Variants in CCDC178 observed in about 807,000 individuals in gnomAD.
CCDC178 encodes the protein coiled-coil domain containing 178.
In CCDC178, 126 loss-of-function variants were observed where a neutral mutation model predicts 117.4. The ratio of observed to expected loss-of-function variants is 1.07; its 90% CI spans 0.93 to 1.24. CCDC178 has a LOEUF of 1.24. CCDC178 is among the 50% of genes most tolerant of loss of function. The probability of loss-of-function intolerance (pLI) is 0.00; values close to 1 mark genes in which losing one functional copy is unlikely to be tolerated. For missense variants in CCDC178, 1,030 were observed against 986.9 expected (o/e 1.04, Z -0.59); for synonymous variants, 283 against 313.4 (o/e 0.90, Z 1.02).
At chr18:33,387,722 A>C (rs2063513775) in intron 5 of CCDC178, among the ~76,000 whole-genome samples, 1 of 152,234 alleles carries the variant, frequency 6.6e-6, no homozygotes, top group Non-Finnish European at 1.5e-5. Context: ...AAGATTAATT[A>C]AAGACTTAAA....
At chr18:33,105,979 G>C (rs2057699403) in intron 20 of CCDC178, among the ~76,000 whole-genome samples, 1 of 151,662 alleles carries the variant, frequency 6.6e-6, no homozygotes, top group Non-Finnish European at 1.5e-5. Context: ...TTTAAGAAAA[G>C]TGAAAATAGT....
chr18:33,192,088 A>G (rs1043579406), intron 20 of CCDC178, among the ~76,000 whole-genome samples: 4 of 152,326 alleles, frequency 2.6e-5, no homozygotes, highest in African/African-American at 4.8e-5. Flanking sequence ...TAAATAATAT[A>G]CAGTAGGTAC....
At chr18:33,422,263 C>T (rs2064036047) in intron 2 of CCDC178, among the ~76,000 whole-genome samples, 1 of 152,076 alleles carries the variant, frequency 6.6e-6, no homozygotes, top group Non-Finnish European at 1.5e-5. Flanking sequence ...AATAGAAATG[C>T]TTTTTTTCCC....
At chr18:33,328,552 T>C (rs1219716027) in intron 10 of CCDC178, among the ~76,000 whole-genome samples, 5 of 152,206 alleles carry the variant, frequency 3.3e-5, no homozygotes. Context: ...GCATCATTTG[T>C]TGAAGAGGCT....
intron 15 of CCDC178, among the ~76,000 whole-genome samples, chr18:33,235,882 C>T (rs2059421032): frequency 6.6e-6 from 1 of 152,120 alleles, no homozygotes; most frequent in South Asian, 2.1e-4. Context: ...TCCCAATTGG[C>T]TAATTTTATT....
At chr18:33,148,739 A>G (rs935838931) in intron 20 of CCDC178, among the ~76,000 whole-genome samples, 5 of 152,224 alleles carry the variant, frequency 3.3e-5, no homozygotes, top group African/African-American at 1.2e-4. Flanking sequence ...TCTAGAGATT[A>G]TAGTATAATA....
intron 11 of CCDC178, among the ~76,000 whole-genome samples, chr18:33,303,578 G>C (rs1006684291): frequency 6.6e-6 from 1 of 151,966 alleles, no homozygotes; most frequent in Non-Finnish European, 1.5e-5. Context: ...GATGCAGACA[G>C]TATGGGGGAT....
At chr18:33,158,620 A>G (rs900921838) in intron 20 of CCDC178, among the ~76,000 whole-genome samples, 1 of 152,106 alleles carries the variant, frequency 6.6e-6, no homozygotes, top group African/African-American at 2.4e-5. Context: ...CATTCACAGA[A>G]TTGCAGAATG....
chr18:32,971,194 C>G (rs2054917621), intron 22 of CCDC178, among the ~76,000 whole-genome samples: 1 of 151,572 alleles, frequency 6.6e-6, no homozygotes, highest in African/African-American at 2.4e-5. Context: ...CCACTACAGG[C>G]CCTGGTTTGT....
At chr18:33,099,853 C>T (rs1598882754) in intron 20 of CCDC178, among the ~76,000 whole-genome samples, 1 of 151,972 alleles carries the variant, frequency 6.6e-6, no homozygotes, top group South Asian at 2.1e-4. Context: ...CCATGGAAAC[C>T]ATTCTCTTGT....
chr18:33,017,224 A>T (rs2056010768), intron 21 of CCDC178, among the ~76,000 whole-genome samples: 1 of 151,872 alleles, frequency 6.6e-6, no homozygotes, highest in African/African-American at 2.4e-5. Context: ...TCAGTAAAAA[A>T]ATATTAGAAC....
At chr18:32,953,952 A>G (rs1445327059) in intron 22 of CCDC178, 3 of 152,206 alleles carry the variant, frequency 2.0e-5, no homozygotes, top group African/African-American at 7.2e-5. Flanking sequence ...TTGGATTCAT[A>G]CAATTTCTTG....
At chr18:33,036,869 C>T (rs2056454593) in intron 21 of CCDC178, among the ~76,000 whole-genome samples, 3 of 151,888 alleles carry the variant, frequency 2.0e-5, no homozygotes, top group Non-Finnish European at 1.5e-5. Context: ...TGAAAAATGA[C>T]ACCTATATAA....
At chr18:33,369,527 A>C in intron 6 of CCDC178, among the ~76,000 whole-genome samples, 1 of 152,004 alleles carries the variant, frequency 6.6e-6, no homozygotes, top group East Asian at 1.9e-4. Context: ...TGTCATTCTT[A>C]AATCATCCTT....
chr18:33,325,726 G>C (rs1462818849), intron 10 of CCDC178, among the ~76,000 whole-genome samples: 2 of 151,990 alleles, frequency 1.3e-5, no homozygotes, highest in Non-Finnish European at 2.9e-5. Context: ...TTTTTCTTGT[G>C]GTTAAGGTAT....
chr18:33,274,284 G>A (rs562167189), intron 12 of CCDC178, among the ~76,000 whole-genome samples: 3 of 151,952 alleles, frequency 2.0e-5, no homozygotes, highest in African/African-American at 4.8e-5. Context: ...CGTTAGAATT[G>A]AAACCCTTAT....
chr18:33,101,541 C>A (rs1313520544), intron 20 of CCDC178, among the ~76,000 whole-genome samples: 5 of 151,866 alleles, frequency 3.3e-5, no homozygotes, highest in Non-Finnish European at 7.4e-5. Context: ...GATGGCACTG[C>A]ACATCGAGTG....
Position 33,344,825 on chromosome 18 carries a change from ACAC to A in CCDC178, c.658+1383_658+1385del, listed in dbSNP as rs1280198224. Among the ~76,000 whole-genome samples the A allele has an allele frequency of 2.7e-5, 4 of 149,478 alleles. No individual in the cohort carries two copies. The East Asian group carries it at 5.9e-4, about 22-fold the overall frequency. ...AAAGCACACACACACACACACACACACACACACACACACACACACACACACACA... is the reference window on the plus strand; with the variant it reads ...AAAGCACACACACACACACACACACAACACACACACACACACACACACACA... On this transcript the variant is annotated intron_variant, in intron 9 of 22. Coordinates refer to ENST00000383096, the MANE Select transcript of CCDC178 (RefSeq NM_001105528.4).
intron 21 of CCDC178, among the ~76,000 whole-genome samples, chr18:33,028,200 C>A (rs549877448): frequency 6.3e-4 from 96 of 151,672 alleles, no homozygotes; most frequent in African/African-American, 2.1e-3. Context: ...ACCAAATGTT[C>A]ATTCTTAGAA....
Sources: allele counts gnomAD v4.1 joint callset (sites outside exome capture counted in the v4.1 genomes callset), GRCh38; gene constraint gnomAD v4.1.1; transcripts MANE v1.5; gene names NCBI Gene and HGNC (gene_info 2026-07-23, HGNC 2026-07-21).